Variants in PRKAR2B observed in about 807,000 individuals in gnomAD.
PRKAR2B encodes protein kinase cAMP-dependent type II regulatory subunit beta.
A neutral mutation model predicts 49.9 loss-of-function variants in PRKAR2B; 14 were observed. The ratio of observed to expected loss-of-function variants is 0.28; its 90% CI spans 0.19 to 0.44. The LOEUF (loss-of-function observed/expected upper bound fraction) is 0.44, where lower values mean the gene tolerates loss of function less well. Ranked by LOEUF, PRKAR2B falls within the 20% of genes least tolerant of loss-of-function variation. PRKAR2B has a pLI of 1.00. For missense variants in PRKAR2B, 393 were observed against 537.9 expected, an observed-to-expected ratio of 0.73 and a Z score of 2.67; for synonymous variants, 196 against 197.7, an observed-to-expected ratio of 0.99 and a Z score of 0.07.
chr7:107,152,397 T>A (rs1229096448), intron 7 of PRKAR2B, among the ~76,000 whole-genome samples: 2 of 152,202 alleles, frequency 1.3e-5, no homozygotes, highest in Non-Finnish European at 2.9e-5. Context: ...GCCGTCTGTC[T>A]GGAATGTCTT....
chr7:107,103,579 A>G (rs561837219), intron 2 of PRKAR2B, among the ~76,000 whole-genome samples: 1 of 152,352 alleles, frequency 6.6e-6, no homozygotes, highest in Admixed American at 6.5e-5. Flanking sequence ...AGACCAGCAA[A>G]CTAACCAGAA....
chr7:107,104,484 G>A (rs979828236), intron 2 of PRKAR2B, among the ~76,000 whole-genome samples: 3 of 152,090 alleles, frequency 2.0e-5, no homozygotes, highest in South Asian at 2.1e-4. Flanking sequence ...TTTGGGCCTC[G>A]TTGGGGGGGT....
intron 2 of PRKAR2B, among the ~76,000 whole-genome samples, chr7:107,083,890 C>T (rs1376440422): frequency 3.3e-5 from 5 of 152,106 alleles, no homozygotes; most frequent in African/African-American, 7.2e-5. Context: ...GGATTACAGG[C>T]GTGAGCCACC....
chr7:107,076,691 A>T (rs1224124018), intron 2 of PRKAR2B, among the ~76,000 whole-genome samples: 5 of 152,102 alleles, frequency 3.3e-5, no homozygotes, highest in African/African-American at 9.7e-5. Flanking sequence ...CCACTCTTTA[A>T]TTTTTTGCCA....
At chr7:107,127,008 A>G (rs942172475) in intron 3 of PRKAR2B, among the ~76,000 whole-genome samples, 6 of 152,238 alleles carry the variant, frequency 3.9e-5, no homozygotes, top group African/African-American at 1.4e-4. Flanking sequence ...AATGGTATAT[A>G]TATCAATAGT....
chr7:107,073,075 T>C (rs976008796), intron 2 of PRKAR2B, among the ~76,000 whole-genome samples: 1 of 152,204 alleles, frequency 6.6e-6, no homozygotes, highest in African/African-American at 2.4e-5. Context: ...TACTATGAAT[T>C]ATAATTAATA....
intron 1 of PRKAR2B, among the ~76,000 whole-genome samples, chr7:107,057,840 TA>T (rs912777753): frequency 2.0e-5 from 3 of 151,874 alleles, no homozygotes; most frequent in Non-Finnish European, 1.5e-5. Flanking sequence ...CACGACAGTT[TA>T]AAAAAAATGA....
At chr7:107,085,649 A>C (rs1291565849) in intron 2 of PRKAR2B, among the ~76,000 whole-genome samples, 1 of 152,152 alleles carries the variant, frequency 6.6e-6, no homozygotes, top group Non-Finnish European at 1.5e-5. Flanking sequence ...ATACATATTT[A>C]GTTGAAATTA....
intron 3 of PRKAR2B, 96 bp from the exon 4 acceptor site, chr7:107,128,116 C>T (rs1186574683): frequency 1.3e-6 from 1 of 798,410 alleles, no homozygotes. Context: ...GTTCTTCTTT[C>T]TAATGTTGGT....
At chr7:107,074,072 TA>T (rs1794341727) in intron 2 of PRKAR2B, among the ~76,000 whole-genome samples, 1 of 151,698 alleles carries the variant, frequency 6.6e-6, no homozygotes. Context: ...AAAAATAAAA[TA>T]AAATAAAATA....
At chr7:107,089,347 A>G (rs770794811) in intron 2 of PRKAR2B, among the ~76,000 whole-genome samples, 2 of 152,172 alleles carry the variant, frequency 1.3e-5, no homozygotes, top group African/African-American at 2.4e-5. Flanking sequence ...CAGTCATTCT[A>G]CATGTAACCA....
At chr7:107,114,347 TGTG>T (rs1256741741) in intron 2 of PRKAR2B, among the ~76,000 whole-genome samples, 5 of 138,208 alleles carry the variant, frequency 3.6e-5, no homozygotes, top group African/African-American at 1.6e-4. Flanking sequence ...TGTGTGTGTG[TGTG>T]TGTGTGTGTG....
intron 2 of PRKAR2B, among the ~76,000 whole-genome samples, chr7:107,103,830 A>G (rs1177062649): frequency 6.6e-6 from 1 of 152,160 alleles, no homozygotes; most frequent in Non-Finnish European, 1.5e-5. Context: ...AGAACACCCA[A>G]AGCTATTCCT....
intron 1 of PRKAR2B, among the ~76,000 whole-genome samples, chr7:107,060,667 T>C (rs1238837420): frequency 7.0e-6 from 1 of 143,290 alleles, no homozygotes; most frequent in Non-Finnish European, 1.5e-5. Context: ...ATGTTCTGGC[T>C]ACCAACCCTA....
chr7:107,127,710 A>G (rs1310405304), intron 3 of PRKAR2B, among the ~76,000 whole-genome samples: 1 of 152,258 alleles, frequency 6.6e-6, no homozygotes, highest in African/African-American at 2.4e-5. Context: ...TCGGCATCTA[A>G]TGCCATATAC....
intron 2 of PRKAR2B, among the ~76,000 whole-genome samples, chr7:107,104,787 A>G (rs1795043015): frequency 6.6e-6 from 1 of 152,144 alleles, no homozygotes; most frequent in Non-Finnish European, 1.5e-5. Context: ...TCTGGGTGCA[A>G]ATGTGTGCTA....
chr7:107,045,274 C>G, intron 1 of PRKAR2B, 60 bp downstream of exon 1: 1 of 1,348,986 alleles, frequency 7.4e-7, no homozygotes, highest in Non-Finnish European at 9.7e-7. Context: ...CCACCGCTCC[C>G]CGCTGTGCTC....
intron 2 of PRKAR2B, among the ~76,000 whole-genome samples, chr7:107,093,328 C>A (rs945213724): frequency 6.6e-6 from 1 of 152,104 alleles, no homozygotes; most frequent in Non-Finnish European, 1.5e-5. Flanking sequence ...ATTTTACATT[C>A]CCACTAACAG....
intron 1 of PRKAR2B, among the ~76,000 whole-genome samples, chr7:107,058,790 T>G (rs1015252623): frequency 6.6e-6 from 1 of 152,238 alleles, no homozygotes; most frequent in Admixed American, 6.5e-5. Context: ...CATTTTGAAC[T>G]AATTTGGTTG....
Sources: allele counts gnomAD v4.1 joint callset (sites outside exome capture counted in the v4.1 genomes callset), GRCh38; gene constraint gnomAD v4.1.1; transcripts MANE v1.5; gene names NCBI Gene and HGNC (gene_info 2026-07-23, HGNC 2026-07-21).